The following SYCE1 variants were observed in gnomAD, a reference collection of about 807,000 sequenced individuals.
SYCE1 encodes the protein cancer/testis antigen 76.
A neutral mutation model predicts 55.1 loss-of-function variants in SYCE1; 37 were observed. That is an observed-to-expected ratio of 0.67 (90% confidence interval 0.52 to 0.88). SYCE1 has a LOEUF of 0.88. Among genes scored for constraint, SYCE1 ranks in the 40% least tolerant of loss-of-function variants. SYCE1 has a pLI of 0.00. For missense variants in SYCE1, 399 were observed against 416.4 expected, an observed-to-expected ratio of 0.96 and a Z score of 0.36; for synonymous variants, 163 against 159.4, an observed-to-expected ratio of 1.02 and a Z score of -0.17.
At chr10:133,566,177 G>A (rs1315262304), upstream of SYCE1, among the ~76,000 whole-genome samples, 2 of 152,214 alleles carry the variant, frequency 1.3e-5, no homozygotes, top group African/African-American at 4.8e-5. Context: ...GTGGAGGCCC[G>A]GAGGGCCCTG....
chr10:133,555,727 G>A lies in SYCE1; in HGVS notation c.720-20C>T, dbSNP rs952662076. Reference sequence around the variant, plus strand: ...AGCTGCCTGGGGGGCCCAGTAGGGGGTGGTCAGCACCGGCCACTCCCTCCT... The same window carrying A: ...AGCTGCCTGGGGGGCCCAGTAGGGGATGGTCAGCACCGGCCACTCCCTCCT... On this transcript the variant is annotated intron_variant, in intron 10 of 12. Transcript: ENST00000343131. 35 of 1,607,528 alleles carry A rather than the reference G, an allele frequency of 2.2e-5. No individual in the cohort carries two copies. Among genetic ancestry groups the A allele is most frequent in the Non-Finnish European group, 3.0e-5 (35 of 1,179,900 alleles).
At position 133,557,900 on chromosome 10, in the gene SYCE1, C is replaced by A; in HGVS notation, c.338G>T (p.Arg113Leu). The A allele has an allele frequency of 1.2e-6, 2 of 1,614,070 alleles. No homozygotes were observed. The highest frequency in any genetic ancestry group is 2.2e-5 in the South Asian group (2 of 91,078). ...SKKQETLRIL[R>L]LHCQEKESEA... The stretch of plus-strand genomic sequence containing the variant: ...ACTTTCCTTTTCCTGGCAATGCAGC[C>A]GGAGGATCCTCAGGGTCTCTGTAGG... The change falls in exon 6 of 13, where the codon CGG becomes CTG. Residue 113 changes from arginine (R) to leucine (L), a missense_variant. Transcript: ENST00000343131.
intron 1 of SYCE1, chr10:133,560,881 C>G (rs914788556): frequency 1.3e-5 from 2 of 152,150 alleles, no homozygotes; most frequent in African/African-American, 4.8e-5. Context: ...CATCCTTCTT[C>G]TTACTCAGAT....
chr10:133,562,947 A>T (rs1171265817), intron 1 of SYCE1, among the ~76,000 whole-genome samples: 1 of 139,196 alleles, frequency 7.2e-6, no homozygotes, highest in East Asian at 2.2e-4. Context: ...TTGGGTGAGG[A>T]CACAGATCCA....
intron 5 of SYCE1, 32 bp from the exon 6 acceptor site, chr10:133,557,950 C>T (rs1200348248): frequency 2.5e-6 from 4 of 1,613,380 alleles, no homozygotes; most frequent in African/African-American, 1.3e-5. Flanking sequence ...CCTATGAGAA[C>T]CTGTCAAGGT....
chr10:133,567,439 G>T (rs1851973415), upstream of SYCE1, among the ~76,000 whole-genome samples: 1 of 125,182 alleles, frequency 8.0e-6, no homozygotes, highest in Non-Finnish European at 1.8e-5. Context: ...GTTAGGGTCA[G>T]GGGTTAGGGG....
chr10:133,556,450 T>G (rs1257001664), intron 8 of SYCE1: 2 of 530,586 alleles, frequency 3.8e-6, no homozygotes, highest in Non-Finnish European at 6.8e-6. Context: ...GTTCAGTGCC[T>G]AGGATCCTCC....
intron 1 of SYCE1, chr10:133,564,377 A>G (rs1851879956): frequency 2.3e-5 from 23 of 984,840 alleles, no homozygotes; most frequent in Non-Finnish European, 2.8e-5. Context: ...ACTAAGGCAC[A>G]AGCGACATTG....
At chr10:133,555,732 C>T in intron 10 of SYCE1, 25 bp from the exon 11 acceptor site, 1 of 1,607,934 alleles carries the variant, frequency 6.2e-7, no homozygotes, top group African/African-American at 1.3e-5. Flanking sequence ...AGGGGGTGGT[C>T]AGCACCGGCC....
Position 133,559,106 on chromosome 10 carries a change from T to C in SYCE1, c.197-155A>G, listed in dbSNP as rs1056378092. 7.6e-5 allele frequency: 71 copies of C among 935,042 alleles called. No individual in the cohort carries two copies. In the Admixed American group the frequency reaches 1.8e-3, roughly 24 times the overall value. The allele number at this position is 935,042 out of a possible 1,614,324, so 57.9% of individuals were successfully genotyped here. A position where few individuals can be genotyped will look rare whatever the true frequency, so the allele number is the denominator to read the frequency against. On this transcript the variant is annotated intron_variant, in intron 3 of 12. Coordinates refer to ENST00000343131, the MANE Select transcript of SYCE1 (RefSeq NM_001143764.3). Reference sequence around the variant, plus strand: ...AGCTCTCCTTGCCAGGCTCTGCTGATAGCAGGGCCAGGATCATGGGCATGT... The same window carrying C: ...AGCTCTCCTTGCCAGGCTCTGCTGACAGCAGGGCCAGGATCATGGGCATGT...
At chr10:133,557,671 T>C (rs1480494561) in intron 6 of SYCE1, 193 bp downstream of exon 6, 1 of 617,954 alleles carries the variant, frequency 1.6e-6, no homozygotes, top group Non-Finnish European at 2.8e-6. Flanking sequence ...CAAATGAATG[T>C]CTTGCCATTG....
At chr10:133,557,424 A>G in intron 6 of SYCE1, 1 of 520,238 alleles carries the variant, frequency 1.9e-6, no homozygotes, top group Non-Finnish European at 3.4e-6. Flanking sequence ...CTGAAATCTC[A>G]GTGTGCCAGG....
downstream of SYCE1, chr10:133,554,694 A>G: frequency 2.6e-6 from 2 of 777,264 alleles, no homozygotes; most frequent in Non-Finnish European, 4.4e-6. Flanking sequence ...TAATGAAGGA[A>G]TTGAAGAAAT....
upstream of SYCE1, chr10:133,568,087 C>T (rs990938698): frequency 8.6e-6 from 6 of 701,394 alleles, no homozygotes; most frequent in Admixed American, 6.4e-5. Flanking sequence ...CCGAGCCCAG[C>T]CAGGCCTAGG....
chr10:133,561,204 T>C (rs1271615529), intron 1 of SYCE1: 1 of 152,178 alleles, frequency 6.6e-6, no homozygotes, highest in Non-Finnish European at 1.5e-5. Context: ...TAAAATAAAC[T>C]TCCTAAATTG....
rs779241079 is a variant in SYCE1 at position 133,558,870 on chromosome 10, C to G, written c.271+7G>C. On this transcript the variant is annotated splice_region_variant and intron_variant, in intron 4 of 12. Coordinates refer to ENST00000343131, the MANE Select transcript of SYCE1 (RefSeq NM_001143764.3). The stretch of plus-strand genomic sequence containing the variant: ...GGGGACCTCTGGGTGACCCCCGGCT[C>G]TCTTACGCGAGTCCAGTTCCTTCTG... 1 of 1,613,444 alleles carries G rather than the reference C, an allele frequency of 6.2e-7. No individual in the cohort carries two copies. Among genetic ancestry groups the G allele is most frequent in the African/African-American group, 1.3e-5 (1 of 74,808 alleles).
intron 1 of SYCE1, among the ~76,000 whole-genome samples, chr10:133,561,758 A>AT (rs11345123): frequency 1.1e-4 from 17 of 152,022 alleles, no homozygotes; most frequent in Non-Finnish European, 2.2e-4. Context: ...CTTAACTGGT[A>AT]TTTTTTTTTG....
intron 2 of SYCE1, 47 bp from the exon 3 acceptor site, chr10:133,559,407 G>A: frequency 6.3e-7 from 1 of 1,590,766 alleles, no homozygotes; most frequent in Non-Finnish European, 8.6e-7. Flanking sequence ...GCAGAGTTGG[G>A]GCGGTTGCCA....
In SYCE1 at chr10:133,559,022, T is replaced by C; in HGVS notation, c.197-71A>G. ...CTCTTCCCAACAGTGACATTTCTCA[T>C]TTGCCTTCAGGTAAATCTATAGTGG... On this transcript the variant is annotated intron_variant, in intron 3 of 12. Coordinates refer to ENST00000343131, the MANE Select transcript of SYCE1 (RefSeq NM_001143764.3). 4 of 1,487,216 alleles carry C rather than the reference T, an allele frequency of 2.7e-6. No homozygotes were observed. In the South Asian group the frequency reaches 5.0e-5, roughly 19 times the overall value. 92.1% of individuals were successfully genotyped at this position (1,487,216 alleles called of 1,614,324 possible). A position where few individuals can be genotyped will look rare whatever the true frequency, so the allele number is the denominator to read the frequency against.
Sources: gnomAD v4.1 joint callset for allele counts (sites outside exome capture counted in the v4.1 genomes callset) on GRCh38, gnomAD v4.1.1 for gene constraint, MANE v1.5 for transcripts, NCBI Gene and HGNC (gene_info 2026-07-23, HGNC 2026-07-21) for gene names.